Variants in FHIT observed in about 807,000 individuals in gnomAD.
FHIT encodes fragile histidine triad diadenosine triphosphatase, also known as bis(5'-adenosyl)-triphosphatase.
In FHIT, 19 loss-of-function variants were observed where a neutral mutation model predicts 17.9. That is an observed-to-expected ratio of 1.06 (90% CI 0.74 to 1.56). FHIT has a LOEUF of 1.56. FHIT is among the 40% of genes most tolerant of loss of function. The pLI is 0.00. For synonymous variants in FHIT, 81 were observed against 69.7 expected, an observed-to-expected ratio of 1.16 and a Z score of -0.81; for missense variants, 248 against 189.2, an observed-to-expected ratio of 1.31 and a Z score of -1.82.
intron 4 of FHIT, among the ~76,000 whole-genome samples, chr3:60,630,083 G>T (rs1249855928): frequency 1.3e-5 from 2 of 152,144 alleles, no homozygotes; most frequent in African/African-American, 4.8e-5. Flanking sequence ...CCCAGAGACT[G>T]GTTCAAACAG....
chr3:60,862,788 G>A (rs1553752964), intron 3 of FHIT, among the ~76,000 whole-genome samples: 1 of 150,328 alleles, frequency 6.7e-6, no homozygotes, highest in African/African-American at 2.5e-5. Flanking sequence ...GGAGGCAGAG[G>A]TTGCAGTGAG....
At chr3:60,193,483 C>A (rs1250643210) in intron 5 of FHIT, among the ~76,000 whole-genome samples, 1 of 152,122 alleles carries the variant, frequency 6.6e-6, no homozygotes, top group Non-Finnish European at 1.5e-5. Context: ...ATTTAGTTGG[C>A]TAAAGAGCTT....
At chr3:60,065,762 C>G (rs1381225218) in intron 5 of FHIT, among the ~76,000 whole-genome samples, 1 of 152,130 alleles carries the variant, frequency 6.6e-6, no homozygotes, top group Non-Finnish European at 1.5e-5. Context: ...TTTTCTCCTG[C>G]CTGTTCCCAT....
intron 3 of FHIT, among the ~76,000 whole-genome samples, chr3:60,849,266 A>C (rs1412441296): frequency 6.6e-6 from 1 of 151,710 alleles, no homozygotes; most frequent in Non-Finnish European, 1.5e-5. Context: ...TTTGACAAGG[A>C]ATACTATTTG....
intron 4 of FHIT, among the ~76,000 whole-genome samples, chr3:60,650,321 G>A (rs541376379): frequency 5.3e-5 from 8 of 152,290 alleles, no homozygotes; most frequent in African/African-American, 1.4e-4. Context: ...CAATGTTGGA[G>A]TAAGAGACCT....
intron 5 of FHIT, among the ~76,000 whole-genome samples, chr3:60,122,566 A>G (rs1196050284): frequency 6.6e-6 from 1 of 152,162 alleles, no homozygotes; most frequent in Non-Finnish European, 1.5e-5. Context: ...AACCTCTAAG[A>G]GATCATTTTA....
In FHIT at chr3:61,127,526, CCT is replaced by C. The variant is rs1358687308; in HGVS notation, c.-164+73089_-164+73090del. ...AAATAGAAGCAGAAAACAAACCCCC[CCT>C]GACAGTTTTCATCTCTCACAGTTAA... On this transcript the variant is annotated intron_variant, in intron 2 of 9. Coordinates refer to ENST00000492590, the MANE Select transcript of FHIT (RefSeq NM_002012.4). Among the ~76,000 whole-genome samples the C allele has an allele frequency of 7.2e-5, 11 of 152,054 alleles. 1 individual carries two copies. The highest frequency in any genetic ancestry group is 7.2e-4 in the Admixed American group (11 of 15,266).
chr3:60,372,824 C>G (rs1012459188), intron 5 of FHIT, among the ~76,000 whole-genome samples: 3 of 152,052 alleles, frequency 2.0e-5, no homozygotes, highest in Non-Finnish European at 4.4e-5. Flanking sequence ...GATCAGTGTA[C>G]TTCCTCTGAA....
chr3:60,222,851 A>G (rs1259612316), intron 5 of FHIT, among the ~76,000 whole-genome samples: 17 of 152,124 alleles, frequency 1.1e-4, no homozygotes, highest in Admixed American at 1.1e-3. Context: ...CAGTGAGACA[A>G]GATCGTACCA....
chr3:60,981,736 G>C (rs565988040), intron 3 of FHIT, among the ~76,000 whole-genome samples: 1 of 151,336 alleles, frequency 6.6e-6, no homozygotes, highest in Admixed American at 6.6e-5. Flanking sequence ...AGTCTCCTGA[G>C]TAGCTGGGAC....
chr3:60,631,994 G>A (rs546143739), intron 4 of FHIT, among the ~76,000 whole-genome samples: 6 of 152,134 alleles, frequency 3.9e-5, no homozygotes, highest in Non-Finnish European at 8.8e-5. Flanking sequence ...AACACCACGG[G>A]TAGGACTCTG....
In FHIT at chr3:60,174,039, G is replaced by A. The variant is rs536343074; in HGVS notation, c.104-159887C>T. On this transcript the variant is annotated intron_variant, in intron 5 of 9. Coordinates refer to ENST00000492590, the MANE Select transcript of FHIT (RefSeq NM_002012.4). The stretch of plus-strand genomic sequence containing the variant: ...AGTGATTCTCCTGCTTCAGCCTCCC[G>A]AGTAGCTGGGATTGCAGGCATCTGC... 3.7e-4 allele frequency among the ~76,000 whole-genome samples: 55 copies of A among 149,196 alleles called. 1 individual carries two copies. The highest frequency in any genetic ancestry group is 5.9e-4 in the Non-Finnish European group (40 of 67,366).
intron 2 of FHIT, among the ~76,000 whole-genome samples, chr3:61,046,549 T>A (rs929918574): frequency 6.6e-6 from 1 of 152,198 alleles, no homozygotes; most frequent in Non-Finnish European, 1.5e-5. Context: ...CACAGCCGAA[T>A]TCTACCAGAG....
chr3:60,628,127 T>A (rs1209944012), intron 4 of FHIT, among the ~76,000 whole-genome samples: 1 of 152,234 alleles, frequency 6.6e-6, no homozygotes, highest in Non-Finnish European at 1.5e-5. Flanking sequence ...TTGCATTCTA[T>A]CAGCTGTTAT....
chr3:60,709,571 G>A (rs1553704482), intron 4 of FHIT, among the ~76,000 whole-genome samples: 1 of 152,124 alleles, frequency 6.6e-6, no homozygotes, highest in African/African-American at 2.4e-5. Context: ...TTCCCCATGT[G>A]AAATTTTGTA....
At chr3:59,875,049 T>C (rs669229) in intron 8 of FHIT, among the ~76,000 whole-genome samples, 11,764 of 152,306 alleles carry the variant, frequency 0.077, 560 homozygotes, top group Non-Finnish European at 0.11. Context: ...TTCCCAGGTG[T>C]ATCTTTTTAG....
At chr3:61,207,462 G>C (rs577411582) in intron 1 of FHIT, among the ~76,000 whole-genome samples, 32 of 152,206 alleles carry the variant, frequency 2.1e-4, no homozygotes, top group Non-Finnish European at 4.3e-4. Flanking sequence ...ACTTTTTTTG[G>C]TTGGTAAGCT....
chr3:60,185,787 G>C (rs1196130216), intron 5 of FHIT, among the ~76,000 whole-genome samples: 3 of 152,062 alleles, frequency 2.0e-5, no homozygotes, highest in African/African-American at 7.2e-5. Flanking sequence ...TAATGGTATT[G>C]TCAGTTTTTG....
intron 2 of FHIT, among the ~76,000 whole-genome samples, chr3:61,101,383 T>G (rs746265627): frequency 3.4e-4 from 52 of 152,296 alleles, no homozygotes; most frequent in Non-Finnish European, 6.0e-4. Context: ...ATGTGTGGTG[T>G]TATTTCTGGG....
Sources: allele counts gnomAD v4.1 joint callset (sites outside exome capture counted in the v4.1 genomes callset), GRCh38; gene constraint gnomAD v4.1.1; transcripts MANE v1.5; gene names NCBI Gene and HGNC (gene_info 2026-07-23, HGNC 2026-07-21).